Variants in ZNF215 observed in about 807,000 individuals in gnomAD.
The protein encoded by ZNF215 is BWSCR2-associated zinc finger protein 2.
Under a neutral mutation model 27.2 loss-of-function variants are expected in ZNF215, and 24 were observed. That is an observed-to-expected ratio of 0.88 (90% CI 0.64 to 1.24). The LOEUF is 1.24. Ranked by LOEUF, ZNF215 falls within the 50% of genes most tolerant of loss-of-function variation. The probability of loss-of-function intolerance (pLI) is 0.00; values close to 1 mark genes in which losing one functional copy is unlikely to be tolerated. For synonymous variants in ZNF215, 210 were observed against 204.0 expected (o/e 1.03, Z -0.25); for missense variants, 675 against 605.7 (o/e 1.11, Z -1.20).
Position 6,956,408 on chromosome 11 carries a change from TA to T in ZNF215, c.1432del (p.Ile478PhefsTer5), listed in dbSNP as rs1364899609. 2.5e-6 allele frequency: 4 copies of T among 1,614,194 alleles called. No individual in the cohort carries two copies. Among genetic ancestry groups the T allele is most frequent in the Non-Finnish European group, 3.4e-6 (4 of 1,180,022 alleles). On this transcript the variant is annotated frameshift_variant, in exon 7 of 7. Transcript: ENST00000278319. LOFTEE classifies it low-confidence loss of function (END_TRUNC). The stretch of plus-strand genomic sequence containing the variant: ...AATCCTTCAACCGGAGCTCCTCTCT[TA>T]TTCGACACCAAATGATTCACACGGG... ...GKSFNRSSSL[I>X]RHQMIHTGEK...
chr11:6,937,655 A>C (rs911939847), intron 3 of ZNF215, among the ~76,000 whole-genome samples: 3 of 151,918 alleles, frequency 2.0e-5, no homozygotes, highest in African/African-American at 7.2e-5. Context: ...AATCAAAGCT[A>C]TGTCGTACTG....
At chr11:6,992,408 G>T (rs1851125692), downstream of ZNF215, among the ~76,000 whole-genome samples, 1 of 152,194 alleles carries the variant, frequency 6.6e-6, no homozygotes, top group South Asian at 2.1e-4. Flanking sequence ...AATGGCCAAA[G>T]AATCTGTGCT....
At chr11:6,969,016 A>G (rs1186400140) in intron 5 of ZNF215, among the ~76,000 whole-genome samples, 3 of 152,170 alleles carry the variant, frequency 2.0e-5, no homozygotes, top group Admixed American at 2.0e-4. Context: ...TTGCATGGGA[A>G]TTAGTCACTG....
At chr11:6,960,228 TACTA>T (rs1406843688), downstream of ZNF215, among the ~76,000 whole-genome samples, 1 of 152,118 alleles carries the variant, frequency 6.6e-6, no homozygotes, top group Non-Finnish European at 1.5e-5. Flanking sequence ...TGCAAATAAT[TACTA>T]ACTTTCTGGA....
rs2239729 is a variant in ZNF215 at position 6,956,103 on chromosome 11, A to G, written c.1126A>G (p.Met376Val). Residue 376 changes from methionine to valine, a missense_variant, in exon 7 of 7, where the codon ATG becomes GTG. Physicochemically the swap from Met to Val is conservative, Grantham distance 21. Coordinates refer to ENST00000278319, the MANE Select transcript of ZNF215 (RefSeq NM_013250.4). ...TCGACACCAAAAAAGTCATACTACA[A>G]TGAATTCCTATGAATGTTATCAATG... The part of the protein sequence containing the change: ...DIRHQKSHTT[M>V]NSYECYQCGK... The G allele has an allele frequency of 2.7e-3, 4,306 of 1,613,374 alleles. 43 individuals are homozygous for G. In the East Asian group the frequency reaches 0.033, roughly 13 times the overall value.
chr11:6,976,848 AC>A (rs1170176218), intron 5 of ZNF215, among the ~76,000 whole-genome samples: 1 of 152,108 alleles, frequency 6.6e-6, no homozygotes, highest in South Asian at 2.1e-4. Flanking sequence ...ATTACCACAA[AC>A]TTAATGGCTT....
chr11:6,960,431 G>GA (rs1453935243), downstream of ZNF215, among the ~76,000 whole-genome samples: 1 of 152,150 alleles, frequency 6.6e-6, no homozygotes, highest in African/African-American at 2.4e-5. Flanking sequence ...CAAAGAGGAA[G>GA]AAAGGAGCTC....
downstream of ZNF215, among the ~76,000 whole-genome samples, chr11:6,962,087 G>A (rs1429514791): frequency 4.6e-5 from 7 of 152,142 alleles, no homozygotes; most frequent in Non-Finnish European, 1.0e-4. Flanking sequence ...ATTTTTAAAG[G>A]TGTGGGCAAA....
Position 6,956,802 on chromosome 11 carries a change from T to G in ZNF215, c.*271T>G, listed in dbSNP as rs555881598. 1.5e-4 allele frequency: 176 copies of G among 1,187,262 alleles called. No homozygotes were observed. The African/African-American group carries it at 2.6e-3, about 18-fold the overall frequency. The allele number at this position is 1,187,262 out of a possible 1,614,324, so 73.5% of individuals were successfully genotyped here. On this transcript the variant is annotated 3_prime_UTR_variant, in exon 7 of 7. Transcript: ENST00000278319. ...GTATTTGTTTATCATTATTTTGATA[T>G]CCATTACCCTCACCTCTCCCTAGTT...
intron 2 of ZNF215, among the ~76,000 whole-genome samples, 194 bp downstream of exon 2, chr11:6,928,001 A>G (rs1385355649): frequency 6.6e-6 from 1 of 152,126 alleles, no homozygotes; most frequent in East Asian, 1.9e-4. Context: ...CTGTTTTTAG[A>G]TACTTTGCAG....
At chr11:6,947,792 C>T (rs532763858) in intron 6 of ZNF215, among the ~76,000 whole-genome samples, 3 of 152,248 alleles carry the variant, frequency 2.0e-5, no homozygotes, top group Admixed American at 1.3e-4. Flanking sequence ...ATGTTCCATA[C>T]GATGTTAGCT....
intron 5 of ZNF215, among the ~76,000 whole-genome samples, chr11:6,978,426 G>A (rs893151969): frequency 6.6e-6 from 1 of 151,996 alleles, no homozygotes; most frequent in African/African-American, 2.4e-5. Flanking sequence ...GATTAGAAAA[G>A]GGCATTTGAC....
chr11:6,946,390 A>G (rs1849816085), intron 6 of ZNF215, among the ~76,000 whole-genome samples: 3 of 152,152 alleles, frequency 2.0e-5, no homozygotes, highest in Admixed American at 2.0e-4. Context: ...CACTCTTTGT[A>G]CTCAAGCCAC....
At chr11:6,986,959 A>G (rs544835989), downstream of ZNF215, among the ~76,000 whole-genome samples, 4 of 152,316 alleles carry the variant, frequency 2.6e-5, no homozygotes, top group South Asian at 6.2e-4. Context: ...AGTTCAGCCA[A>G]CCGTGGAGAG....
rs764019754 is a variant in ZNF215 at position 6,932,496 on chromosome 11, A to G, written c.224A>G (p.Gln75Arg). Residue 75 changes from glutamine (Q) to arginine (R), a missense_variant, in exon 3 of 7, where the codon CAA (glutamine) becomes CGA (arginine). Transcript: ENST00000278319. Reference protein sequence around the residue: ...ALSQLWELCLQWLRPEIHTKK... With the variant: ...ALSQLWELCLRWLRPEIHTKK... ...AGCCAACTCTGGGAGCTCTGTCTTC[A>G]ATGGCTGAGACCAGAGATTCATACA... is the stretch of plus-strand genomic sequence containing the variant. 3.7e-6 allele frequency: 6 copies of G among 1,614,072 alleles called. No homozygotes were observed. In the African/African-American group the frequency reaches 6.7e-5, roughly 18 times the overall value.
rs1401644676 is a variant in ZNF215 at position 6,927,696 on chromosome 11, A to C, written c.-291A>C. ...TTTGCCACTTAAGCTACTTGCAGTC[A>C]CGTCACACCTTGGATCTCTATCATC... On this transcript the variant is annotated 5_prime_UTR_variant, in exon 2 of 7. Transcript: ENST00000278319. 5 of 152,258 alleles carry C rather than the reference A, an allele frequency of 3.3e-5. No homozygotes were observed. The highest frequency in any genetic ancestry group is 2.6e-4 in the Admixed American group (4 of 15,286). 9.4% of individuals were successfully genotyped at this position (152,258 alleles called of 1,614,324 possible).
At chr11:6,984,954 C>T (rs984616819), downstream of ZNF215, among the ~76,000 whole-genome samples, 2 of 152,104 alleles carry the variant, frequency 1.3e-5, no homozygotes, top group Non-Finnish European at 2.9e-5. Context: ...GATTCACAGC[C>T]GAATTCCACC....
chr11:6,934,396 T>C (rs747679587), intron 3 of ZNF215, among the ~76,000 whole-genome samples: 1 of 152,210 alleles, frequency 6.6e-6, no homozygotes, highest in Non-Finnish European at 1.5e-5. Flanking sequence ...AGTTTTCTAT[T>C]GCTACTATAA....
intron 3 of ZNF215, among the ~76,000 whole-genome samples, chr11:6,933,516 G>A (rs866287131): frequency 2.6e-5 from 4 of 152,056 alleles, no homozygotes; most frequent in Non-Finnish European, 5.9e-5. Flanking sequence ...GGCCAGGTGC[G>A]GTGGCTCACG....
Sources: allele counts gnomAD v4.1 joint callset (sites outside exome capture counted in the v4.1 genomes callset), GRCh38; gene constraint gnomAD v4.1.1; transcripts MANE v1.5; gene names NCBI Gene and HGNC (gene_info 2026-07-23, HGNC 2026-07-21).